Variants in RUNDC3B observed in about 807,000 individuals in gnomAD.
RUNDC3B encodes the protein RUN domain-containing protein 3B.
A neutral mutation model predicts 58.4 loss-of-function variants in RUNDC3B; 33 were observed. The observed-to-expected ratio is 0.56, with a 90% CI of 0.43 to 0.75. The LOEUF is 0.75. RUNDC3B is among the 30% of genes least tolerant of loss of function. RUNDC3B has a pLI of 0.00. For synonymous variants in RUNDC3B, 193 were observed against 195.2 expected, an observed-to-expected ratio of 0.99 and a Z score of 0.10; for missense variants, 501 against 535.7, an observed-to-expected ratio of 0.94 and a Z score of 0.64.
At chr7:87,781,053 A>G (rs941635489) in intron 8 of RUNDC3B, among the ~76,000 whole-genome samples, 1 of 152,124 alleles carries the variant, frequency 6.6e-6, no homozygotes, top group East Asian at 1.9e-4. Context: ...CAATCATGCA[A>G]TTTGTTCTGT....
intron 2 of RUNDC3B, among the ~76,000 whole-genome samples, chr7:87,688,691 G>T (rs1487464112): frequency 1.3e-5 from 2 of 151,692 alleles, no homozygotes; most frequent in African/African-American, 4.8e-5. Flanking sequence ...TAAAACATAT[G>T]AAATATTTTT....
At chr7:87,637,160 G>C (rs1351360806) in intron 1 of RUNDC3B, among the ~76,000 whole-genome samples, 1 of 152,112 alleles carries the variant, frequency 6.6e-6, no homozygotes, top group Non-Finnish European at 1.5e-5. Context: ...GATGAGATTT[G>C]GGTGGGGACA....
At chr7:87,637,179 CTA>C (rs1821864318) in intron 1 of RUNDC3B, among the ~76,000 whole-genome samples, 1 of 152,172 alleles carries the variant, frequency 6.6e-6, no homozygotes, top group Non-Finnish European at 1.5e-5. Context: ...CACAGCCAAA[CTA>C]TATCAACCAT....
chr7:87,813,429 AT>A (rs1294179782), intron 9 of RUNDC3B, among the ~76,000 whole-genome samples: 1 of 152,158 alleles, frequency 6.6e-6, no homozygotes, highest in Non-Finnish European at 1.5e-5. Flanking sequence ...CAATATTCAG[AT>A]GAATTCTATG....
chr7:87,795,485 C>G (rs944721340), intron 8 of RUNDC3B, among the ~76,000 whole-genome samples: 18 of 152,128 alleles, frequency 1.2e-4, no homozygotes, highest in African/African-American at 4.3e-4. Context: ...ATAACAAATG[C>G]TGGCAAAGAT....
chr7:87,642,826 G>A lies in RUNDC3B; in HGVS notation c.123-7996G>A, dbSNP rs564078680. Among the ~76,000 whole-genome samples the A allele has an allele frequency of 2.6e-5, 4 of 152,214 alleles. No homozygotes were observed. In the South Asian group the frequency reaches 6.2e-4, roughly 24 times the overall value. On this transcript the variant is annotated intron_variant, in intron 1 of 10. Transcript: ENST00000394654. ...TAATATAGTATTTCCATTCTTAAGT[G>A]TCTAGATTAACAATTCTCTTTTAAA...
In RUNDC3B at chr7:87,664,661, G is replaced by A. The variant is rs76670028; in HGVS notation, c.238+13724G>A. On this transcript the variant is annotated intron_variant, in intron 2 of 10. Coordinates refer to ENST00000394654, the MANE Select transcript of RUNDC3B (RefSeq NM_001134405.2). The stretch of plus-strand genomic sequence containing the variant: ...AAAGCAGAATGGAGATGATAGAGGT[G>A]CGTATATGAATTTCAAAGTAAATCA... 3.4e-3 allele frequency among the ~76,000 whole-genome samples: 519 copies of A among 152,222 alleles called. 6 individuals carry two copies. The highest frequency in any genetic ancestry group is 0.012 in the African/African-American group (483 of 41,536).
chr7:87,819,188 A>G (rs1468525210), intron 10 of RUNDC3B, among the ~76,000 whole-genome samples: 1 of 152,164 alleles, frequency 6.6e-6, no homozygotes, highest in East Asian at 1.9e-4. Flanking sequence ...CAGTAAGATT[A>G]ACAAAAGCTT....
chr7:87,766,352 G>A (rs1833977285), intron 6 of RUNDC3B, among the ~76,000 whole-genome samples: 1 of 152,054 alleles, frequency 6.6e-6, no homozygotes, highest in Non-Finnish European at 1.5e-5. Flanking sequence ...CTGAGCTTTG[G>A]ACGTATGTAT....
At chr7:87,677,118 A>G (rs917897023) in intron 2 of RUNDC3B, among the ~76,000 whole-genome samples, 1 of 152,090 alleles carries the variant, frequency 6.6e-6, no homozygotes, top group African/African-American at 2.4e-5. Context: ...CAGCAGTTCT[A>G]CTTCTGGGTT....
At chr7:87,670,891 A>C (rs531946332) in intron 2 of RUNDC3B, among the ~76,000 whole-genome samples, 2 of 152,042 alleles carry the variant, frequency 1.3e-5, no homozygotes, top group Non-Finnish European at 2.9e-5. Flanking sequence ...TGAAAGTGTG[A>C]GTTTCTCTCC....
chr7:87,743,698 G>T (rs1409368001), intron 6 of RUNDC3B, among the ~76,000 whole-genome samples: 3 of 152,004 alleles, frequency 2.0e-5, no homozygotes, highest in African/African-American at 7.2e-5. Context: ...TGAGTTGTTT[G>T]TAGATTCTGG....
intron 7 of RUNDC3B, among the ~76,000 whole-genome samples, chr7:87,777,523 C>G (rs1834700220): frequency 6.6e-6 from 1 of 152,184 alleles, no homozygotes; most frequent in East Asian, 1.9e-4. Flanking sequence ...AGGAGTCATG[C>G]AATTGTTGTG....
intron 3 of RUNDC3B, among the ~76,000 whole-genome samples, chr7:87,706,586 CCA>C (rs1246793394): frequency 6.6e-6 from 1 of 152,138 alleles, no homozygotes; most frequent in East Asian, 1.9e-4. Context: ...ACTTGAGTGG[CCA>C]CAGTCCTGGA....
At chr7:87,680,198 A>G (rs1225440635) in intron 2 of RUNDC3B, among the ~76,000 whole-genome samples, 1 of 150,436 alleles carries the variant, frequency 6.6e-6, no homozygotes, top group Admixed American at 6.6e-5. Context: ...CCTGCAAAGG[A>G]CATGACCTCA....
At chr7:87,715,293 TATA>T (rs1489376796) in intron 4 of RUNDC3B, among the ~76,000 whole-genome samples, 22 of 132,698 alleles carry the variant, frequency 1.7e-4, no homozygotes, top group South Asian at 8.6e-4. Flanking sequence ...ATAATTAATT[TATA>T]ATAATTATAT....
intron 1 of RUNDC3B, among the ~76,000 whole-genome samples, chr7:87,647,991 T>C (rs1440377956): frequency 6.6e-6 from 1 of 151,996 alleles, no homozygotes; most frequent in African/African-American, 2.4e-5. Context: ...GAGACCATCC[T>C]GGCTAACATG....
chr7:87,811,397 G>A (rs1836706294), intron 9 of RUNDC3B, among the ~76,000 whole-genome samples: 2 of 150,932 alleles, frequency 1.3e-5, no homozygotes, highest in South Asian at 2.1e-4. Context: ...GCAGTGGCAC[G>A]ATCTCGGCTC....
rs1820868225 is a variant in RUNDC3B at position 87,628,730 on chromosome 7, C to T, written c.-94C>T. ...TCCTTTCCTACATCCTTCCCGCGCC[C>T]CCACGGTTGCGGACCGAGCGAGAAC... is the stretch of plus-strand genomic sequence containing the variant. On this transcript the variant is annotated 5_prime_UTR_variant, in exon 1 of 11. Coordinates refer to ENST00000394654, the MANE Select transcript of RUNDC3B (RefSeq NM_001134405.2). 1.3e-6 allele frequency: 1 copy of T among 756,660 alleles called. No homozygotes were observed. Among genetic ancestry groups the T allele is most frequent in the Admixed American group, 4.3e-5 (1 of 23,118 alleles). 46.9% of individuals were successfully genotyped at this position (756,660 alleles called of 1,614,324 possible). A position where few individuals can be genotyped will look rare whatever the true frequency, so the allele number is the denominator to read the frequency against.
Sources: gnomAD v4.1 joint callset for allele counts (sites outside exome capture counted in the v4.1 genomes callset) on GRCh38, gnomAD v4.1.1 for gene constraint, MANE v1.5 for transcripts, NCBI Gene and HGNC (gene_info 2026-07-23, HGNC 2026-07-21) for gene names.